The following ZNF846 variants were observed in gnomAD, a reference collection of about 807,000 sequenced individuals.
ZNF846 encodes zinc finger protein 846, also known as zinc finger protein 420 pseudogene.
In ZNF846, 15 loss-of-function variants were observed where a neutral mutation model predicts 16.0. The ratio of observed to expected loss-of-function variants is 0.94; its 90% CI spans 0.63 to 1.45. The LOEUF (loss-of-function observed/expected upper bound fraction) is 1.45. ZNF846 is among the 40% of genes most tolerant of loss of function. The pLI is 0.00. For synonymous variants in ZNF846, 229 were observed against 212.0 expected (o/e 1.08, Z -0.70); for missense variants, 714 against 622.3 (o/e 1.15, Z -1.57).
chr19:9,781,021 C>T (rs1359304926), intron 1 of ZNF846, among the ~76,000 whole-genome samples: 1 of 152,222 alleles, frequency 6.6e-6, no homozygotes, highest in Non-Finnish European at 1.5e-5. Flanking sequence ...TTGAGAATTA[C>T]TGACTTGGCT....
At chr19:9,753,001 T>G (rs1599380065), downstream of ZNF846, among the ~76,000 whole-genome samples, 1 of 149,460 alleles carries the variant, frequency 6.7e-6, no homozygotes, top group East Asian at 1.9e-4. Context: ...TCAGATTCAG[T>G]GTCAGATGAG....
chr19:9,759,304 T>C (rs938196548), intron 5 of ZNF846, among the ~76,000 whole-genome samples: 1 of 151,710 alleles, frequency 6.6e-6, no homozygotes, highest in Non-Finnish European at 1.5e-5. Flanking sequence ...CTGAGAATTA[T>C]TTAGACTAAA....
intron 4 of ZNF846, among the ~76,000 whole-genome samples, chr19:9,761,619 G>A (rs1196530507): frequency 6.6e-6 from 1 of 151,658 alleles, no homozygotes; most frequent in Non-Finnish European, 1.5e-5. Context: ...GCTGAGGCAG[G>A]AGAATTGCTT....
intron 1 of ZNF846, among the ~76,000 whole-genome samples, chr19:9,781,800 T>C (rs1291565765): frequency 6.7e-6 from 1 of 148,584 alleles, no homozygotes; most frequent in Non-Finnish European, 1.5e-5. Context: ...TTTTTTGAGA[T>C]GGAGTGTCGC....
rs540684802 is a variant in ZNF846 at position 9,757,948 on chromosome 19, G to A, written c.1129C>T (p.Arg377Cys). ...ATGTGTAAAACAAGTCCTGAGGAACGAGTAAAAGCTTTCCCACATGCCTTA... is the reference window on the plus strand; with the variant it reads ...ATGTGTAAAACAAGTCCTGAGGAACAAGTAAAAGCTTTCCCACATGCCTTA... Residue 377 changes from arginine to cysteine, a missense_variant, in exon 6 of 6, where the codon CGT (arginine) becomes TGT (cysteine). Arg to Cys is a radical substitution (Grantham distance 180). Coordinates refer to ENST00000397902, the Ensembl canonical transcript of ZNF846. The A allele has an allele frequency of 3.0e-5, 48 of 1,613,448 alleles. No homozygotes were observed. The highest frequency in any genetic ancestry group is 6.7e-5 in the East Asian group (3 of 44,874).
downstream of ZNF846, among the ~76,000 whole-genome samples, chr19:9,751,630 G>C (rs534776732): frequency 2.0e-5 from 3 of 147,696 alleles, no homozygotes; most frequent in Admixed American, 6.7e-5. Context: ...TACACCCTCC[G>C]CGCCCTTGTG....
chr19:9,769,979 T>TC (rs1555713674), upstream of ZNF846, among the ~76,000 whole-genome samples: 1 of 119,036 alleles, frequency 8.4e-6, no homozygotes, highest in Non-Finnish European at 1.8e-5. Flanking sequence ...AGACTCCGTC[T>TC]CAAAAAAAAA....
At chr19:9,776,734 G>A (rs924451501) in intron 1 of ZNF846, among the ~76,000 whole-genome samples, 15 of 152,232 alleles carry the variant, frequency 9.9e-5, no homozygotes, top group African/African-American at 3.4e-4. Flanking sequence ...CCACACACAG[G>A]GAGAAGCCCA....
chr19:9,760,048 T>C lies in ZNF846; in HGVS notation c.230-106A>G. The C allele has an allele frequency of 5.3e-6, 4 of 760,470 alleles. No individual in the cohort carries two copies. In the South Asian group the frequency reaches 6.4e-5, roughly 12 times the overall value. 47.1% of individuals were successfully genotyped at this position (760,470 alleles called of 1,614,324 possible). A position where few individuals can be genotyped will look rare whatever the true frequency, so the allele number is the denominator to read the frequency against. ...GGCTCACACCTGTAATCCTAGCACT[T>C]TTGGAGGCCTAGATAGGTGGCTTAC... On this transcript the variant is annotated intron_variant, in intron 4 of 5. Coordinates refer to ENST00000397902, the Ensembl canonical transcript of ZNF846.
chr19:9,761,420 G>A (rs577160987), intron 4 of ZNF846, among the ~76,000 whole-genome samples: 10 of 151,942 alleles, frequency 6.6e-5, no homozygotes, highest in African/African-American at 1.9e-4. Context: ...GTTTTGCAAT[G>A]GTAAAGATAT....
downstream of ZNF846, chr19:9,756,355 A>G (rs939460622): frequency 2.8e-3 from 326 of 116,276 alleles, 1 homozygote; most frequent in African/African-American, 6.9e-3. Flanking sequence ...GTATATATAT[A>G]TATATATATA....
downstream of ZNF846, among the ~76,000 whole-genome samples, chr19:9,751,367 C>T (rs963918254): frequency 1.3e-5 from 2 of 152,116 alleles, no homozygotes; most frequent in South Asian, 4.1e-4. Flanking sequence ...CAAGTTTTCA[C>T]TATTCTTATT....
At chr19:9,762,054 A>G (rs2045239402) in intron 4 of ZNF846, 28 bp downstream of exon 4, 7 of 1,599,264 alleles carry the variant, frequency 4.4e-6, no homozygotes, top group Non-Finnish European at 6.0e-6. Context: ...CAGCAGTGCC[A>G]TAATACCACA....
At chr19:9,779,308 GC>G (rs1568330575) in intron 1 of ZNF846, among the ~76,000 whole-genome samples, 1 of 152,116 alleles carries the variant, frequency 6.6e-6, no homozygotes, top group Non-Finnish European at 1.5e-5. Flanking sequence ...CACTCTTGTT[GC>G]CCAGGCTGGA....
chr19:9,749,851 A>C (rs1218170394), downstream of ZNF846, among the ~76,000 whole-genome samples: 1 of 152,110 alleles, frequency 6.6e-6, no homozygotes, highest in East Asian at 1.9e-4. Flanking sequence ...CTTTCTAGAC[A>C]GATTTGGTGA....
rs1384540399 is a variant in ZNF846 at position 9,757,582 on chromosome 19, T to A, written c.1495A>T (p.Thr499Ser). The A allele has an allele frequency of 1.2e-5, 20 of 1,613,652 alleles. No individual in the cohort carries two copies. The South Asian group carries it at 2.2e-4, about 18-fold the overall frequency. ...TCATATGGTTTTGCTCCAGTGTGAG[T>A]TCGTGTGTGAACGTTAAGGTATGTG... The change falls in exon 6 of 6, where the codon ACT (threonine) becomes TCT (serine). Residue 499 changes from threonine (T) to serine (S), a missense_variant. Transcript: ENST00000397902.
chr19:9,753,418 A>AT (rs575904125), downstream of ZNF846, among the ~76,000 whole-genome samples: 25,020 of 135,536 alleles, frequency 0.18, 2,646 homozygotes, highest in Admixed American at 0.31. Context: ...CACTGGGCTG[A>AT]TTTTTTTTTT....
At chr19:9,758,280 G>C in exon 6 of ZNF846, 1 of 1,613,288 alleles carries the variant, frequency 6.2e-7, no homozygotes, top group Non-Finnish European at 8.5e-7. Flanking sequence ...AAGTCCTGTG[G>C]ATTGAGTGAA....
In ZNF846 at chr19:9,763,477, G is replaced by A. The variant is rs370425605; in HGVS notation, c.16-69C>T. The A allele has an allele frequency of 5.6e-4, 819 of 1,459,428 alleles. 12 individuals carry two copies. The South Asian group carries it at 0.011, about 19-fold the overall frequency. 90.4% of individuals were successfully genotyped at this position (1,459,428 alleles called of 1,614,324 possible). On this transcript the variant is annotated intron_variant, in intron 2 of 5. Coordinates refer to ENST00000397902, the Ensembl canonical transcript of ZNF846. ...CTTTGATGTTCTGAGAAAAATGCAT[G>A]AAGGACTAAGGAAGACTAGAAGCCT...
Sources: gnomAD v4.1 joint callset for allele counts (sites outside exome capture counted in the v4.1 genomes callset) on GRCh38, gnomAD v4.1.1 for gene constraint, MANE v1.5 for transcripts, NCBI Gene and HGNC (gene_info 2026-07-23, HGNC 2026-07-21) for gene names.